AP1S3: variants seen among roughly 807,000 people sequenced by gnomAD.
AP1S3 encodes the protein AP-1 complex subunit sigma-3.
In AP1S3, 10 loss-of-function variants were observed where a neutral mutation model predicts 20.9. The observed-to-expected ratio is 0.48, with a 90% confidence interval of 0.29 to 0.81. The LOEUF is 0.81. AP1S3 is among the 30% of genes least tolerant of loss of function. The pLI is 0.08. For missense variants in AP1S3, 154 were observed against 183.8 expected (o/e 0.84, Z 0.94); for synonymous variants, 41 against 61.5 (o/e 0.67, Z 1.56).
At chr2:223,803,879 CA>C (rs530429797) in intron 1 of AP1S3, among the ~76,000 whole-genome samples, 12,572 of 72,134 alleles carry the variant, frequency 0.17, 683 homozygotes, top group East Asian at 0.38. Context: ...GACTCCGTCT[CA>C]AAAAAAAAAA....
chr2:223,835,436 C>G (rs1053429662), intron 1 of AP1S3, among the ~76,000 whole-genome samples: 1 of 152,138 alleles, frequency 6.6e-6, no homozygotes, highest in African/African-American at 2.4e-5. Flanking sequence ...GCAGGTGGAT[C>G]ACGAGGTCAG....
intron 1 of AP1S3, among the ~76,000 whole-genome samples, chr2:223,780,452 A>G (rs374654724): frequency 1.3e-5 from 2 of 149,186 alleles, no homozygotes; most frequent in African/African-American, 5.0e-5. Context: ...ACTCAAGCCT[A>G]CAGAACATGA....
chr2:223,768,834 G>C (rs1224839326), intron 3 of AP1S3, among the ~76,000 whole-genome samples: 3 of 152,148 alleles, frequency 2.0e-5, no homozygotes, highest in Non-Finnish European at 4.4e-5. Context: ...CAGCCTGGGT[G>C]ACAGAGCAAG....
At chr2:223,830,847 A>C (rs1692241458) in intron 1 of AP1S3, among the ~76,000 whole-genome samples, 1 of 152,220 alleles carries the variant, frequency 6.6e-6, no homozygotes, top group African/African-American at 2.4e-5. Flanking sequence ...AGAGCCAGGA[A>C]TTTCAGAGCC....
At chr2:223,780,976 T>C (rs1453384619) in intron 1 of AP1S3, among the ~76,000 whole-genome samples, 3 of 151,906 alleles carry the variant, frequency 2.0e-5, no homozygotes, top group Non-Finnish European at 4.4e-5. Context: ...CAGTGTGTAT[T>C]GCTGCCATCT....
rs190090636 is a variant in AP1S3 at position 223,822,916 on chromosome 2, A to T, written c.3+14532T>A. ...AAAAAAACAACCCAACTGAAAAAAA[A>T]TGGGCAAAGAACCTACATAGACATT... is the stretch of plus-strand genomic sequence containing the variant. On this transcript the variant is annotated intron_variant, in intron 1 of 4. Transcript: ENST00000396654. Among the ~76,000 whole-genome samples the T allele has an allele frequency of 6.4e-3, 973 of 152,254 alleles. 9 individuals are homozygous for T. Among genetic ancestry groups the T allele is most frequent in the African/African-American group, 0.022 (926 of 41,560 alleles).
chr2:223,816,870 G>A (rs544116877), intron 1 of AP1S3, among the ~76,000 whole-genome samples: 1 of 152,228 alleles, frequency 6.6e-6, no homozygotes, highest in Non-Finnish European at 1.5e-5. Flanking sequence ...GCTCATTCCT[G>A]TAATCCCAGC....
At chr2:223,808,264 A>G (rs941341717) in intron 1 of AP1S3, among the ~76,000 whole-genome samples, 28 of 152,182 alleles carry the variant, frequency 1.8e-4, no homozygotes, top group African/African-American at 6.5e-4. Context: ...ATCCTGCTCA[A>G]CAACATCATT....
chr2:223,819,797 T>G (rs1251746449), intron 1 of AP1S3, among the ~76,000 whole-genome samples: 3 of 152,164 alleles, frequency 2.0e-5, no homozygotes, highest in African/African-American at 7.2e-5. Context: ...ACATTTGCTA[T>G]AAACACAGTG....
At position 223,817,507 on chromosome 2, in the gene AP1S3, C is replaced by G. The variant is rs1370673305; in HGVS notation, c.3+19941G>C. Among the ~76,000 whole-genome samples, 4 of 150,614 alleles carry G rather than the reference C, an allele frequency of 2.7e-5. No individual in the cohort carries two copies. The South Asian group carries it at 6.3e-4, about 24-fold the overall frequency. On this transcript the variant is annotated intron_variant, in intron 1 of 4. Coordinates refer to ENST00000396654, the MANE Select transcript of AP1S3 (RefSeq NM_001039569.2). The stretch of plus-strand genomic sequence containing the variant: ...CCTGTAATCCCAACTACTCGGGAGG[C>G]TGAGGCAGGAGAATTGCTTGAACCC...
chr2:223,760,171 C>T (rs1690318726), intron 4 of AP1S3, among the ~76,000 whole-genome samples: 1 of 152,104 alleles, frequency 6.6e-6, no homozygotes, highest in African/African-American at 2.4e-5. Flanking sequence ...CACACCAGGG[C>T]CCCAAGTTGA....
At chr2:223,828,554 G>A (rs1454024020) in intron 1 of AP1S3, among the ~76,000 whole-genome samples, 1 of 152,144 alleles carries the variant, frequency 6.6e-6, no homozygotes, top group African/African-American at 2.4e-5. Context: ...AAATAAAACT[G>A]AGATGACTCA....
At position 223,756,061 on chromosome 2, in the gene AP1S3, G is replaced by A. The variant is rs569878311; in HGVS notation, c.*2654C>T. The A allele has an allele frequency of 5.1e-6, 5 of 985,208 alleles. No homozygotes were observed. Among genetic ancestry groups the A allele is most frequent in the African/African-American group, 1.7e-5 (1 of 57,214 alleles). 61.0% of individuals were successfully genotyped at this position (985,208 alleles called of 1,614,324 possible). On this transcript the variant is annotated 3_prime_UTR_variant, in exon 5 of 5. Coordinates refer to ENST00000396654, the MANE Select transcript of AP1S3 (RefSeq NM_001039569.2). ...GTATTGAAAAATAAAGAATTTGGCC[G>A]GGTGCAGCGGCTCATGCCTGTAATT...
chr2:223,789,368 AC>A (rs778042569), intron 1 of AP1S3, among the ~76,000 whole-genome samples: 8 of 150,658 alleles, frequency 5.3e-5, no homozygotes, highest in African/African-American at 1.2e-4. Flanking sequence ...AATAAACTGG[AC>A]CCCCCCCAAA....
rs1230781980 is a variant in AP1S3, at chr2:223,805,408, A to T, written c.4-27539T>A. Reference sequence around the variant, plus strand: ...CAGTGAGCCAAGATCGCACCATTACACTCCAGCCTGGTGACAGAAGCGAAA... The same window carrying T: ...CAGTGAGCCAAGATCGCACCATTACTCTCCAGCCTGGTGACAGAAGCGAAA... On this transcript the variant is annotated intron_variant, in intron 1 of 4. Coordinates refer to ENST00000396654, the MANE Select transcript of AP1S3 (RefSeq NM_001039569.2). 2.0e-5 allele frequency among the ~76,000 whole-genome samples: 3 copies of T among 151,920 alleles called. No individual in the cohort carries two copies. The East Asian group carries it at 5.8e-4, about 29-fold the overall frequency.
rs1173800207 is a variant in AP1S3 at position 223,777,762 on chromosome 2, C to G, written c.111G>C (p.Gln37His). 3 of 1,614,150 alleles carry G rather than the reference C, an allele frequency of 1.9e-6. No individual in the cohort carries two copies. The Admixed American group carries it at 5.0e-5, about 27-fold the overall frequency. ...TCCTGTGACCACGGGAGAGAATAAT[C>G]TGAACAATTTCCCGGGTGATCTTCT... The part of the protein sequence containing the change: ...ERKKITREIV[Q>H]IILSRGHRTS... The change falls in exon 2 of 5, where the codon CAG (glutamine) becomes CAC (histidine). Residue 37 changes from glutamine (Q) to histidine (H), a missense_variant. Gln to His is a conservative substitution (Grantham distance 24). Transcript: ENST00000396654.
intron 2 of AP1S3, among the ~76,000 whole-genome samples, chr2:223,776,601 G>A (rs1690789689): frequency 6.6e-6 from 1 of 152,236 alleles, no homozygotes. Context: ...AACTCCTTCC[G>A]GGAGTTGCAG....
intron 1 of AP1S3, among the ~76,000 whole-genome samples, chr2:223,780,538 C>A (rs1173634725): frequency 6.6e-6 from 1 of 151,532 alleles, no homozygotes; most frequent in Non-Finnish European, 1.5e-5. Flanking sequence ...TGATTCCCCC[C>A]ACCTTGGCCT....
intron 1 of AP1S3, among the ~76,000 whole-genome samples, chr2:223,803,693 C>T (rs1396625147): frequency 6.6e-6 from 1 of 152,006 alleles, no homozygotes; most frequent in Non-Finnish European, 1.5e-5. Context: ...TCCTGACTAA[C>T]ACCATGAAAC....
Sources: gnomAD v4.1 joint callset for allele counts (sites outside exome capture counted in the v4.1 genomes callset) on GRCh38, gnomAD v4.1.1 for gene constraint, MANE v1.5 for transcripts, NCBI Gene and HGNC (gene_info 2026-07-23, HGNC 2026-07-21) for gene names.